Variants in PAQR3 observed in about 807,000 individuals in gnomAD.
The protein encoded by PAQR3 is Raf kinase trapping to Golgi.
In PAQR3, 39 loss-of-function variants were observed where a neutral mutation model predicts 41.7. That is an observed-to-expected ratio of 0.93 (90% CI 0.72 to 1.22). PAQR3 has a LOEUF of 1.22. PAQR3 is among the 50% of genes most tolerant of loss of function. The pLI is 0.00. For missense variants in PAQR3, 366 were observed against 385.6 expected, an observed-to-expected ratio of 0.95 and a Z score of 0.42; for synonymous variants, 140 against 140.6, an observed-to-expected ratio of 1.00 and a Z score of 0.03.
Position 78,915,393 on chromosome 4 carries a change from T to C in PAQR3, c.*5146A>G, listed in dbSNP as rs1301626087. 1 of 152,006 alleles carries C rather than the reference T, an allele frequency of 6.6e-6. No individual in the cohort carries two copies. The highest frequency in any genetic ancestry group is 1.5e-5 in the Non-Finnish European group (1 of 67,920). 9.4% of individuals were successfully genotyped at this position (152,006 alleles called of 1,614,324 possible). A position where few individuals can be genotyped will look rare whatever the true frequency, so the allele number is the denominator to read the frequency against. On this transcript the variant is annotated 3_prime_UTR_variant, in exon 6 of 6. Transcript: ENST00000512733. Reference sequence around the variant, plus strand: ...GCACTGTTAGAAGGTACAAGTGTATTAATATCACTAGTTTTGAGGCGCTTG... The same window carrying C: ...GCACTGTTAGAAGGTACAAGTGTATCAATATCACTAGTTTTGAGGCGCTTG...
chr4:78,890,860 A>C (rs1205653411), intron 11 of PAQR3, among the ~76,000 whole-genome samples: 1 of 151,964 alleles, frequency 6.6e-6, no homozygotes, highest in African/African-American at 2.4e-5. Context: ...CAACTCCTCT[A>C]GTTGTTGCTT....
intron 11 of PAQR3, among the ~76,000 whole-genome samples, chr4:78,896,365 G>A (rs1188037235): frequency 6.6e-6 from 1 of 152,094 alleles, no homozygotes; most frequent in Non-Finnish European, 1.5e-5. Flanking sequence ...AAAATTATAT[G>A]AGTAAATTCT....
chr4:78,902,526 C>T (rs1734062389), intron 11 of PAQR3, among the ~76,000 whole-genome samples: 1 of 151,718 alleles, frequency 6.6e-6, no homozygotes, highest in African/African-American at 2.4e-5. Flanking sequence ...AGTATGCTGC[C>T]AATTCAAAGT....
chr4:78,935,424 AT>A, intron 1 of PAQR3, 141 bp from the exon 2 acceptor site: 1 of 576,920 alleles, frequency 1.7e-6, no homozygotes, highest in Non-Finnish European at 2.7e-6. Context: ...TAAATTTGAT[AT>A]ATTATCTAAT....
intron 11 of PAQR3, among the ~76,000 whole-genome samples, chr4:78,894,286 A>G (rs1173955057): frequency 6.6e-6 from 1 of 152,214 alleles, no homozygotes; most frequent in Non-Finnish European, 1.5e-5. Context: ...ACTTAACTAT[A>G]GCTCTAAAAG....
At chr4:78,931,183 C>CT (rs144364533) in intron 2 of PAQR3, among the ~76,000 whole-genome samples, 9,666 of 29,318 alleles carry the variant, frequency 0.33, 2,123 homozygotes, top group African/African-American at 0.51. Flanking sequence ...GACCTCATTT[C>CT]TTAAAAAAAA....
At chr4:78,892,010 G>A (rs1205589734) in intron 11 of PAQR3, among the ~76,000 whole-genome samples, 1 of 152,108 alleles carries the variant, frequency 6.6e-6, no homozygotes, top group Non-Finnish European at 1.5e-5. Flanking sequence ...GCTGTTTTCA[G>A]TCTTTAAAAG....
At chr4:78,922,023 C>A (rs1735703953) in intron 5 of PAQR3, 1 of 1,012,262 alleles carries the variant, frequency 9.9e-7, no homozygotes, top group African/African-American at 1.7e-5. Context: ...CTAAAACCCA[C>A]TATGGTCATA....
Position 78,915,262 on chromosome 4 carries a change from C to CT in PAQR3, c.*5276dup, listed in dbSNP as rs1734945203. On this transcript the variant is annotated 3_prime_UTR_variant, in exon 6 of 6. Coordinates refer to ENST00000512733, the MANE Select transcript of PAQR3 (RefSeq NM_001040202.2). The stretch of plus-strand genomic sequence containing the variant: ...TGTTGTCCTCTTGCTGGTGGAAAAT[C>CT]TAAGGTGGAGCCCACTCTTCTATGC... 1 of 151,944 alleles carries CT rather than the reference C, an allele frequency of 6.6e-6. No homozygotes were observed. Among genetic ancestry groups the CT allele is most frequent in the Non-Finnish European group, 1.5e-5 (1 of 67,908 alleles). 9.4% of individuals were successfully genotyped at this position (151,944 alleles called of 1,614,324 possible).
At chr4:78,890,963 G>A (rs1239485678) in intron 11 of PAQR3, among the ~76,000 whole-genome samples, 2 of 152,210 alleles carry the variant, frequency 1.3e-5, no homozygotes, top group African/African-American at 2.4e-5. Flanking sequence ...GGGAGGCTGA[G>A]GTGGGAGGAT....
At chr4:78,937,988 A>G (rs1245481580) in intron 1 of PAQR3, among the ~76,000 whole-genome samples, 1 of 152,208 alleles carries the variant, frequency 6.6e-6, no homozygotes, top group African/African-American at 2.4e-5. Flanking sequence ...TGTGAATCCT[A>G]AGGGCCATCC....
chr4:78,922,015 A>G, intron 5 of PAQR3: 1 of 1,009,036 alleles, frequency 9.9e-7, no homozygotes, highest in Non-Finnish European at 1.2e-6. Context: ...TTTAAGGCCT[A>G]AAACCCACTA....
intron 3 of PAQR3, 103 bp from the exon 4 acceptor site, chr4:78,926,821 G>C: frequency 2.1e-6 from 2 of 957,452 alleles, no homozygotes; most frequent in Non-Finnish European, 3.2e-6. Context: ...CTATTTACTT[G>C]GTATTTGCAT....
chr4:78,894,333 G>A (rs6854774), intron 11 of PAQR3, among the ~76,000 whole-genome samples: 20,302 of 152,156 alleles, frequency 0.13, 2,509 homozygotes, highest in African/African-American at 0.33. Context: ...GCTGTTTTCT[G>A]TATTGAAAAT....
intron 5 of PAQR3, chr4:78,922,243 G>C (rs1165686998): frequency 1.6e-6 from 2 of 1,221,588 alleles, no homozygotes; most frequent in Non-Finnish European, 2.1e-6. Flanking sequence ...TTACAACGCA[G>C]GTTTTCCCTT....
chr4:78,932,848 A>T (rs1578035073), intron 2 of PAQR3, among the ~76,000 whole-genome samples: 1 of 152,214 alleles, frequency 6.6e-6, no homozygotes, highest in Non-Finnish European at 1.5e-5. Context: ...CCTAGAGTTT[A>T]AAAATGGACT....
rs373018961 is a variant in PAQR3 at position 78,926,548 on chromosome 4, A to G, written c.675T>C (p.Asn225=). 18 of 1,613,770 alleles carry G rather than the reference A, an allele frequency of 1.1e-5. No individual in the cohort carries two copies. Among genetic ancestry groups the G allele is most frequent in the Non-Finnish European group, 1.4e-5 (16 of 1,179,780 alleles). The change falls in exon 4 of 6, where the codon AAT becomes AAC. Residue 225 remains asparagine (N), a synonymous_variant. Coordinates refer to ENST00000512733, the MANE Select transcript of PAQR3 (RefSeq NM_001040202.2). ...VIPTLHWVWL[N]GGIGAPIVQD... is the part of the protein sequence containing the mutation. ...GTACAATAGGAGCACCAATTCCTCC[A>G]TTGAGCCAAACCCAGTGAAGAGTAG... is the stretch of plus-strand genomic sequence containing the variant.
chr4:78,928,186 AATAAG>A, intron 3 of PAQR3, among the ~76,000 whole-genome samples: 1 of 152,338 alleles, frequency 6.6e-6, no homozygotes, highest in East Asian at 1.9e-4. Context: ...AGAAATACAG[AATAAG>A]ATAAGCAAAA....
At chr4:78,924,306 G>A (rs1201231542) in intron 4 of PAQR3, among the ~76,000 whole-genome samples, 1 of 152,118 alleles carries the variant, frequency 6.6e-6, no homozygotes. Flanking sequence ...GACCTAAGGG[G>A]TCTCCCCAGA....
Sources: allele counts gnomAD v4.1 joint callset (sites outside exome capture counted in the v4.1 genomes callset), GRCh38; gene constraint gnomAD v4.1.1; transcripts MANE v1.5; gene names NCBI Gene and HGNC (gene_info 2026-07-23, HGNC 2026-07-21).